The following CFAP20DC variants were observed in gnomAD, a reference collection of about 807,000 sequenced individuals.
CFAP20DC encodes CFAP20 domain containing, also known as protein CFAP20DC.
A neutral mutation model predicts 101.7 loss-of-function variants in CFAP20DC; 84 were observed. The observed-to-expected ratio is 0.83, with a 90% CI of 0.69 to 0.99. The LOEUF (loss-of-function observed/expected upper bound fraction) is 0.99, where lower values mean the gene tolerates loss of function less well. Ranked by LOEUF, CFAP20DC falls within the 50% of genes least tolerant of loss-of-function variation. The probability of loss-of-function intolerance (pLI) is 0.00; values close to 1 mark genes in which losing one functional copy is unlikely to be tolerated. For missense variants in CFAP20DC, 1,007 were observed against 970.3 expected (o/e 1.04, Z -0.50); for synonymous variants, 359 against 351.2 (o/e 1.02, Z -0.25).
intron 3 of CFAP20DC, among the ~76,000 whole-genome samples, chr3:59,045,709 TA>T (rs1699799925): frequency 6.6e-6 from 1 of 152,124 alleles, no homozygotes; most frequent in South Asian, 2.1e-4. Flanking sequence ...TGATTAATAT[TA>T]AAAGGTAATA....
At chr3:58,926,942 A>G (rs777461549) in intron 5 of CFAP20DC, among the ~76,000 whole-genome samples, 7 of 152,208 alleles carry the variant, frequency 4.6e-5, no homozygotes, top group African/African-American at 7.2e-5. Flanking sequence ...CTGTACATTA[A>G]TACATACTTT....
At chr3:58,867,636 T>G (rs2079804954) in intron 10 of CFAP20DC, among the ~76,000 whole-genome samples, 181 bp downstream of exon 10, 1 of 152,180 alleles carries the variant, frequency 6.6e-6, no homozygotes, top group Non-Finnish European at 1.5e-5. Flanking sequence ...CCAGCAAATC[T>G]CCATTAGGGA....
At chr3:58,879,818 C>T (rs1461838684) in intron 7 of CFAP20DC, among the ~76,000 whole-genome samples, 2 of 152,064 alleles carry the variant, frequency 1.3e-5, no homozygotes, top group African/African-American at 4.8e-5. Flanking sequence ...CACAGTTCAA[C>T]TAAAATATCT....
intron 6 of CFAP20DC, among the ~76,000 whole-genome samples, chr3:58,908,427 T>C (rs1033876599): frequency 3.3e-5 from 5 of 152,178 alleles, no homozygotes; most frequent in Admixed American, 2.6e-4. Flanking sequence ...GTGTTTTACA[T>C]TACTAAGATC....
downstream of CFAP20DC, among the ~76,000 whole-genome samples, chr3:58,716,317 A>G (rs544074083): frequency 2.7e-4 from 40 of 150,620 alleles, no homozygotes; most frequent in South Asian, 7.8e-3. Flanking sequence ...GCCCGCCACC[A>G]CGCCCGGCTA....
In CFAP20DC at chr3:59,014,788, T is replaced by C. The variant is rs2093655987; in HGVS notation, c.278+24769A>G. Among the ~76,000 whole-genome samples, 1 of 152,254 alleles carries C rather than the reference T, an allele frequency of 6.6e-6. No individual in the cohort carries two copies. Among genetic ancestry groups the C allele is most frequent in the East Asian group, 1.9e-4 (1 of 5,174 alleles). On this transcript the variant is annotated intron_variant, in intron 4 of 16. Coordinates refer to ENST00000482387, the MANE Select transcript of CFAP20DC (RefSeq NM_001394063.1). The surrounding 1 kb of genome is among the most constrained non-coding windows in gnomAD (Gnocchi z 4.9). ...ACATAATGGTGGAAGGCAGTAGTAC[T>C]ACATATGGACCATGGCTATATGTAG...
intron 4 of CFAP20DC, among the ~76,000 whole-genome samples, chr3:58,950,511 C>T (rs530683623): frequency 1.4e-4 from 21 of 152,166 alleles, no homozygotes; most frequent in Non-Finnish European, 2.5e-4. Context: ...CTTCAAACTA[C>T]ACTACAAGGC....
At chr3:58,762,913 A>G (rs1283223976) in intron 15 of CFAP20DC, among the ~76,000 whole-genome samples, 1 of 152,188 alleles carries the variant, frequency 6.6e-6, no homozygotes, top group Admixed American at 6.5e-5. Flanking sequence ...ATCAGCTGTT[A>G]GTCTGATGGG....
chr3:58,891,311 G>T (rs1368443615), intron 6 of CFAP20DC, among the ~76,000 whole-genome samples: 1 of 151,650 alleles, frequency 6.6e-6, no homozygotes, highest in Non-Finnish European at 1.5e-5. Flanking sequence ...GCACTCTGCA[G>T]GCTGAGGCAG....
At position 58,861,822 on chromosome 3, in the gene CFAP20DC, G is replaced by C. The variant is rs1261143313; in HGVS notation, c.1593+1736C>G. 1.0e-6 allele frequency: 1 copy of C among 985,310 alleles called. No homozygotes were observed. Among genetic ancestry groups the C allele is most frequent in the East Asian group, 1.1e-4 (1 of 8,826 alleles). The allele number at this position is 985,310 out of a possible 1,614,324, so 61.0% of individuals were successfully genotyped here. ...TGCTACTGGTCACCTTGATGGGCAT[G>C]GCACAGGGGTGACCAGATAGCCCTG... is the stretch of plus-strand genomic sequence containing the variant. On this transcript the variant is annotated intron_variant, in intron 12 of 16. Transcript: ENST00000482387. The surrounding 1 kb of genome is among the most constrained non-coding windows in gnomAD (Gnocchi z 4.0).
intron 15 of CFAP20DC, among the ~76,000 whole-genome samples, chr3:58,761,080 C>A (rs1382831681): frequency 1.3e-5 from 2 of 152,120 alleles, no homozygotes; most frequent in African/African-American, 4.8e-5. Flanking sequence ...CCCTCTTTTT[C>A]TATTGATTGG....
chr3:58,908,348 C>A (rs1207947679), intron 6 of CFAP20DC, among the ~76,000 whole-genome samples: 2 of 152,144 alleles, frequency 1.3e-5, no homozygotes, highest in Non-Finnish European at 2.9e-5. Flanking sequence ...AAGCCACCAC[C>A]CCGTTTTCCT....
intron 15 of CFAP20DC, among the ~76,000 whole-genome samples, chr3:58,768,075 C>T (rs2107466007): frequency 6.6e-6 from 1 of 152,202 alleles, no homozygotes; most frequent in African/African-American, 2.4e-5. Flanking sequence ...TTCAAGACTC[C>T]CTCCTCCCCC....
chr3:58,942,666 G>A (rs183717136), intron 4 of CFAP20DC, among the ~76,000 whole-genome samples: 68 of 152,322 alleles, frequency 4.5e-4, no homozygotes, highest in African/African-American at 1.5e-3. Context: ...CAGACATCGA[G>A]CTAGCTGCAG....
At chr3:58,976,988 T>G (rs911781732) in intron 4 of CFAP20DC, among the ~76,000 whole-genome samples, 1 of 152,232 alleles carries the variant, frequency 6.6e-6, no homozygotes, top group South Asian at 2.1e-4. Flanking sequence ...CTTAAATGTA[T>G]AGCTCACATT....
chr3:58,870,427 CT>C (rs1430690945), intron 7 of CFAP20DC, 118 bp from the exon 8 acceptor site: 10 of 934,836 alleles, frequency 1.1e-5, no homozygotes, highest in East Asian at 2.4e-5. Context: ...CCCCTCCCCC[CT>C]CAGCATGTAT....
intron 4 of CFAP20DC, among the ~76,000 whole-genome samples, chr3:59,009,986 C>A (rs1180499844): frequency 1.3e-5 from 2 of 152,064 alleles, no homozygotes; most frequent in Admixed American, 6.6e-5. Context: ...GAGAATAAAT[C>A]TTTTTCAGAC....
chr3:58,775,747 T>G (rs577950642), intron 15 of CFAP20DC, among the ~76,000 whole-genome samples: 2 of 145,356 alleles, frequency 1.4e-5, no homozygotes, highest in Admixed American at 1.4e-4. Flanking sequence ...TTTTCTGTCT[T>G]TTTTTTTTTT....
At chr3:58,806,827 T>C (rs1043334485) in intron 14 of CFAP20DC, among the ~76,000 whole-genome samples, 1 of 151,882 alleles carries the variant, frequency 6.6e-6, no homozygotes, top group Non-Finnish European at 1.5e-5. Flanking sequence ...AAGAAAGGGG[T>C]GACAGATGGC....
Sources: gnomAD v4.1 joint callset for allele counts (sites outside exome capture counted in the v4.1 genomes callset) on GRCh38, gnomAD v4.1.1 for gene constraint, Gnocchi (gnomAD v3.1) non-coding constraint, MANE v1.5 for transcripts, NCBI Gene and HGNC (gene_info 2026-07-23, HGNC 2026-07-21) for gene names.